Variants in RIT2 observed in about 807,000 individuals in gnomAD.
The protein encoded by RIT2 is GTP-binding protein Rit2.
Under a neutral mutation model 23.7 loss-of-function variants are expected in RIT2, and 24 were observed. The ratio of observed to expected loss-of-function variants is 1.01; its 90% CI spans 0.73 to 1.43. The LOEUF is 1.43. Ranked by LOEUF, RIT2 falls within the 40% of genes most tolerant of loss-of-function variation. The pLI, the probability that RIT2 is intolerant of heterozygous loss-of-function variation, is 0.00. For synonymous variants in RIT2, 107 were observed against 91.1 expected (o/e 1.17, Z -0.99); for missense variants, 236 against 266.9 (o/e 0.88, Z 0.81).
intron 2 of RIT2, among the ~76,000 whole-genome samples, chr18:42,980,849 T>C (rs567189527): frequency 8.5e-5 from 13 of 152,254 alleles, no homozygotes; most frequent in African/African-American, 2.9e-4. Context: ...TGATAAGGAA[T>C]ATACTGATCT....
At chr18:42,838,501 A>G (rs1192169241) in intron 4 of RIT2, among the ~76,000 whole-genome samples, 1 of 152,080 alleles carries the variant, frequency 6.6e-6, no homozygotes, top group Non-Finnish European at 1.5e-5. Flanking sequence ...GTCATGTAAT[A>G]CTACCTCTAA....
intron 3 of RIT2, among the ~76,000 whole-genome samples, chr18:42,946,391 A>G (rs888863634): frequency 1.3e-5 from 2 of 152,058 alleles, no homozygotes; most frequent in African/African-American, 4.8e-5. Flanking sequence ...TTACAATTCT[A>G]TTAAAGACAA....
At chr18:43,041,483 T>C (rs1466262435) in intron 1 of RIT2, among the ~76,000 whole-genome samples, 1 of 152,184 alleles carries the variant, frequency 6.6e-6, no homozygotes, top group Non-Finnish European at 1.5e-5. Flanking sequence ...ACCCTTTTTC[T>C]TTATTAGTGG....
chr18:43,092,109 C>G (rs1228450384), intron 1 of RIT2, among the ~76,000 whole-genome samples: 1 of 152,080 alleles, frequency 6.6e-6, no homozygotes, highest in Non-Finnish European at 1.5e-5. Flanking sequence ...GTCCTACTTT[C>G]CAACATACCG....
intron 2 of RIT2, among the ~76,000 whole-genome samples, chr18:42,989,421 T>TCTAGTAA (rs1359750990): frequency 2.0e-5 from 3 of 152,182 alleles, no homozygotes; most frequent in Non-Finnish European, 4.4e-5. Flanking sequence ...TATGCAATTT[T>TCTAGTAA]CTAGTAACTA....
chr18:42,912,492 C>CT (rs1908795481), intron 4 of RIT2, among the ~76,000 whole-genome samples: 1 of 151,824 alleles, frequency 6.6e-6, no homozygotes, highest in Non-Finnish European at 1.5e-5. Context: ...TCTCTATTTA[C>CT]AAATCACAAG....
At chr18:43,095,944 C>G (rs1391754783) in intron 1 of RIT2, among the ~76,000 whole-genome samples, 1 of 151,858 alleles carries the variant, frequency 6.6e-6, no homozygotes, top group Non-Finnish European at 1.5e-5. Flanking sequence ...TCCTGGCTTA[C>G]TAGGAGACAG....
intron 2 of RIT2, among the ~76,000 whole-genome samples, chr18:42,987,770 C>A (rs933245014): frequency 6.6e-6 from 1 of 152,072 alleles, no homozygotes; most frequent in South Asian, 2.1e-4. Context: ...ATGAGGTGAA[C>A]ATCTGCTTCT....
intron 1 of RIT2, among the ~76,000 whole-genome samples, chr18:43,040,022 T>C (rs1912090089): frequency 6.6e-6 from 1 of 152,134 alleles, no homozygotes; most frequent in African/African-American, 2.4e-5. Flanking sequence ...GAGAGAAAAG[T>C]GTAAGAAAGA....
chr18:43,002,265 C>A (rs148635065), intron 2 of RIT2, among the ~76,000 whole-genome samples: 7 of 151,812 alleles, frequency 4.6e-5, no homozygotes, highest in Non-Finnish European at 2.9e-5. Flanking sequence ...CTTAATCGGT[C>A]GAATTCTTCC....
intron 1 of RIT2, 22 bp from the exon 2 acceptor site, chr18:43,033,889 T>G (rs903382036): frequency 6.5e-7 from 1 of 1,546,318 alleles, no homozygotes. Flanking sequence ...AAAACACATT[T>G]TGTTTAATAA....
chr18:42,980,396 T>C (rs1910571918), intron 2 of RIT2, among the ~76,000 whole-genome samples: 1 of 152,050 alleles, frequency 6.6e-6, no homozygotes, highest in Non-Finnish European at 1.5e-5. Context: ...CCCCCAGAAA[T>C]CAACTACCCC....
chr18:43,106,541 A>G (rs1482662611), intron 1 of RIT2, among the ~76,000 whole-genome samples: 1 of 152,178 alleles, frequency 6.6e-6, no homozygotes, highest in African/African-American at 2.4e-5. Flanking sequence ...TTTCAGTTCA[A>G]TTAAAGATTT....
intron 4 of RIT2, among the ~76,000 whole-genome samples, chr18:42,830,848 G>A (rs925659755): frequency 1.3e-5 from 2 of 152,148 alleles, no homozygotes; most frequent in African/African-American, 4.8e-5. Context: ...ACCATTAAAT[G>A]AATCAAGGCT....
chr18:42,778,334 A>C (rs973799156), intron 4 of RIT2, among the ~76,000 whole-genome samples: 3 of 152,204 alleles, frequency 2.0e-5, no homozygotes, highest in Non-Finnish European at 4.4e-5. Flanking sequence ...AGATCATTTT[A>C]GTTAACCCTT....
intron 3 of RIT2, among the ~76,000 whole-genome samples, chr18:42,924,899 C>G (rs1909143430): frequency 1.3e-5 from 2 of 152,012 alleles, no homozygotes; most frequent in Admixed American, 6.6e-5. Flanking sequence ...GTTGCAAGTC[C>G]AGAGAGTGAT....
chr18:42,872,601 T>C (rs1369160238), intron 4 of RIT2, among the ~76,000 whole-genome samples: 1 of 152,206 alleles, frequency 6.6e-6, no homozygotes, highest in Non-Finnish European at 1.5e-5. Flanking sequence ...TACACAACAG[T>C]TCTGTTTATT....
intron 4 of RIT2, among the ~76,000 whole-genome samples, chr18:42,904,783 G>T (rs1568026433): frequency 6.6e-6 from 1 of 151,936 alleles, no homozygotes; most frequent in African/African-American, 2.4e-5. Flanking sequence ...GATAATAATA[G>T]AAATTTGGGC....
chr18:43,077,252 T>C (rs897029782), intron 1 of RIT2, among the ~76,000 whole-genome samples: 1 of 152,134 alleles, frequency 6.6e-6, no homozygotes, highest in Non-Finnish European at 1.5e-5. Context: ...TTTCTATGTA[T>C]ACGTACTGAG....
Sources: allele counts gnomAD v4.1 joint callset (sites outside exome capture counted in the v4.1 genomes callset), GRCh38; gene constraint gnomAD v4.1.1; transcripts MANE v1.5; gene names NCBI Gene and HGNC (gene_info 2026-07-23, HGNC 2026-07-21).